OLFM3: variants seen among roughly 807,000 people sequenced by gnomAD.
OLFM3 encodes the protein noelin-3.
A neutral mutation model predicts 48.6 loss-of-function variants in OLFM3; 20 were observed. The ratio of observed to expected loss-of-function variants is 0.41; its 90% CI spans 0.29 to 0.60. The LOEUF is 0.60. Ranked by LOEUF, OLFM3 falls within the 20% of genes least tolerant of loss-of-function variation. The pLI, the probability that OLFM3 is intolerant of heterozygous loss-of-function variation, is 0.28. For synonymous variants in OLFM3, 222 were observed against 198.1 expected, an observed-to-expected ratio of 1.12 and a Z score of -1.01; for missense variants, 437 against 544.3, an observed-to-expected ratio of 0.80 and a Z score of 1.96.
intron 1 of OLFM3, among the ~76,000 whole-genome samples, chr1:101,937,996 G>C (rs1659674211): frequency 6.6e-6 from 1 of 152,120 alleles, no homozygotes; most frequent in African/African-American, 2.4e-5. Context: ...TGAGCTTTCT[G>C]AACACTTTGG....
intron 1 of OLFM3, among the ~76,000 whole-genome samples, chr1:101,845,960 C>T (rs1222967758): frequency 6.6e-6 from 1 of 152,174 alleles, no homozygotes; most frequent in Non-Finnish European, 1.5e-5. Flanking sequence ...ACTGGAGTAA[C>T]CCACATGAAA....
At chr1:101,805,361 T>C (rs1653720058) in intron 5 of OLFM3, among the ~76,000 whole-genome samples, 1 of 151,856 alleles carries the variant, frequency 6.6e-6, no homozygotes, top group African/African-American at 2.4e-5. Flanking sequence ...ATAAGTACCA[T>C]AGAATCTTCT....
chr1:101,932,617 A>AAAAGC lies in OLFM3; in HGVS notation c.69+64126_69+64130dup, dbSNP rs575841180. On this transcript the variant is annotated intron_variant, in intron 1 of 5. Transcript: ENST00000370103. ...AATCCCTAACGGCATGACAGAAGATAAAAGCAAAGCAAAGCAAAACAAAAC... is the reference window on the plus strand; with the variant it reads ...AATCCCTAACGGCATGACAGAAGATAAAAGCAAAGCAAAGCAAAGCAAAACAAAAC... Among the ~76,000 whole-genome samples the AAAAGC allele has an allele frequency of 5.1e-4, 77 of 152,312 alleles. 1 individual carries two copies. In the South Asian group the frequency reaches 0.015, roughly 29 times the overall value.
rs372156365 is a variant in OLFM3, at chr1:101,908,805, A to G, written c.70-71780T>C. Among the ~76,000 whole-genome samples the G allele has an allele frequency of 1.1e-4, 17 of 152,284 alleles. No individual in the cohort carries two copies. In the East Asian group the frequency reaches 2.5e-3, roughly 22 times the overall value. ...GCCAGTGTGACCCAAAGCAGAGATT[A>G]GAGTGATTCTGCCACAAGCCGAGGA... is the stretch of plus-strand genomic sequence containing the variant. On this transcript the variant is annotated intron_variant, in intron 1 of 5. Coordinates refer to ENST00000370103, the MANE Select transcript of OLFM3 (RefSeq NM_058170.4).
intron 1 of OLFM3, among the ~76,000 whole-genome samples, chr1:101,935,989 A>T (rs1027900193): frequency 1.3e-5 from 2 of 152,236 alleles, no homozygotes; most frequent in Admixed American, 6.5e-5. Flanking sequence ...AATAAGAACC[A>T]TCTATGACAA....
rs535758869 is a variant in OLFM3, at chr1:101,903,196, T to A, written c.70-66171A>T. ...TTAAATGACTGACACTGGAGTCCAG[T>A]CTGAATGGAACAGAAGGGAAGCCCA... On this transcript the variant is annotated intron_variant, in intron 1 of 5. Coordinates refer to ENST00000370103, the MANE Select transcript of OLFM3 (RefSeq NM_058170.4). Among the ~76,000 whole-genome samples the A allele has an allele frequency of 2.6e-5, 4 of 152,112 alleles. No individual in the cohort carries two copies. In the East Asian group the frequency reaches 5.8e-4, roughly 22 times the overall value.
intron 1 of OLFM3, chr1:101,838,012 T>G (rs1465866795): frequency 6.6e-6 from 1 of 152,192 alleles, no homozygotes; most frequent in Non-Finnish European, 1.5e-5. Context: ...TCCAGCTATT[T>G]TTTTTTATAT....
At position 101,804,451 on chromosome 1, in the gene OLFM3, G is replaced by A. The variant is rs1324265616; in HGVS notation, c.1164C>T (p.Asn388=). ...FMICGTLYVT[N]SHLTGAKVYY... is the part of the protein sequence containing the mutation. ...ACACCTTGGCTCCAGTTAAGTGGGA[G>A]TTGGTGACATACAGTGTCCCACAGA... The change falls in exon 6 of 6, where the codon AAC becomes AAT. Residue 388 remains asparagine (N), a synonymous_variant. Coordinates refer to ENST00000370103, the MANE Select transcript of OLFM3 (RefSeq NM_058170.4). This position sits in a 1 kb window ranked among gnomAD's most constrained non-coding sequence, Gnocchi z 4.5. The A allele has an allele frequency of 2.5e-6, 4 of 1,612,424 alleles. No individual in the cohort carries two copies. The highest frequency in any genetic ancestry group is 2.5e-6 in the Non-Finnish European group (3 of 1,179,006).
At chr1:101,895,730 G>A (rs1471386875) in intron 1 of OLFM3, among the ~76,000 whole-genome samples, 1 of 152,032 alleles carries the variant, frequency 6.6e-6, no homozygotes, top group African/African-American at 2.4e-5. Context: ...AATGGGCTAT[G>A]AACAGATTTA....
chr1:101,899,258 T>C (rs1003696449), intron 1 of OLFM3, among the ~76,000 whole-genome samples: 1 of 152,154 alleles, frequency 6.6e-6, no homozygotes, highest in Non-Finnish European at 1.5e-5. Flanking sequence ...GTGTCATTTT[T>C]TTCACTGGCT....
At chr1:101,856,002 T>C (rs1004085701) in intron 1 of OLFM3, among the ~76,000 whole-genome samples, 1 of 151,940 alleles carries the variant, frequency 6.6e-6, no homozygotes, top group African/African-American at 2.4e-5. Flanking sequence ...AATCTGGTGG[T>C]AGTAAACAAC....
chr1:101,962,211 G>A (rs1431333988), intron 1 of OLFM3, among the ~76,000 whole-genome samples: 1 of 152,056 alleles, frequency 6.6e-6, no homozygotes, highest in African/African-American at 2.4e-5. Context: ...TAAACTTCGT[G>A]GAGTTCTGCA....
At chr1:101,885,923 C>G (rs899742661) in intron 1 of OLFM3, among the ~76,000 whole-genome samples, 2 of 152,058 alleles carry the variant, frequency 1.3e-5, no homozygotes, top group African/African-American at 4.8e-5. Context: ...TTTGACTGCA[C>G]AGGGCGTCAG....
At chr1:101,871,377 G>C (rs933219052) in intron 1 of OLFM3, among the ~76,000 whole-genome samples, 1 of 151,982 alleles carries the variant, frequency 6.6e-6, no homozygotes, top group Non-Finnish European at 1.5e-5. Context: ...AAGCCCCCAG[G>C]TCATCATTCA....
chr1:101,909,909 T>C, intron 1 of OLFM3: 1 of 955,254 alleles, frequency 1.0e-6, no homozygotes, highest in East Asian at 1.2e-4. Flanking sequence ...ACGCTATCTT[T>C]CAAGGCAGAC....
In OLFM3 at chr1:101,837,040, G is replaced by C. The variant is rs1655456183; in HGVS notation, c.70-15C>G. The C allele has an allele frequency of 1.9e-6, 3 of 1,603,384 alleles. No individual in the cohort carries two copies. Among genetic ancestry groups the C allele is most frequent in the Non-Finnish European group, 2.6e-6 (3 of 1,174,226 alleles). On this transcript the variant is annotated splice_polypyrimidine_tract_variant and intron_variant, in intron 1 of 5. Transcript: ENST00000370103. ...CTAATCTGAGTCTGAGGAAACCAAA[G>C]GGAAACATAAAACACAGACTCCTGT...
intron 1 of OLFM3, among the ~76,000 whole-genome samples, chr1:101,902,565 T>C (rs953345047): frequency 2.6e-5 from 4 of 152,000 alleles, no homozygotes; most frequent in African/African-American, 9.7e-5. Context: ...AAACTACACA[T>C]TAAAAGAGAA....
chr1:101,830,893 T>C (rs1238502639), intron 2 of OLFM3, 66 bp from the exon 3 acceptor site: 2 of 1,441,516 alleles, frequency 1.4e-6, no homozygotes, highest in African/African-American at 2.9e-5. Context: ...CACTAAGAAA[T>C]AGCAAAAATG....
intron 1 of OLFM3, among the ~76,000 whole-genome samples, chr1:101,922,203 T>G (rs1000060653): frequency 1.3e-5 from 2 of 152,248 alleles, no homozygotes; most frequent in Non-Finnish European, 2.9e-5. Context: ...TTTTGTGCTT[T>G]CTTTCTTCAT....
Sources: gnomAD v4.1 joint callset for allele counts (sites outside exome capture counted in the v4.1 genomes callset) on GRCh38, gnomAD v4.1.1 for gene constraint, Gnocchi (gnomAD v3.1) non-coding constraint, MANE v1.5 for transcripts, NCBI Gene and HGNC (gene_info 2026-07-23, HGNC 2026-07-21) for gene names.